The following WDFY3 variants were observed in gnomAD, a reference collection of about 807,000 sequenced individuals.
WDFY3 encodes WD repeat and FYVE domain containing 3, also known as WD repeat and FYVE domain-containing protein 3.
Under a neutral mutation model 409.6 loss-of-function variants are expected in WDFY3, and 66 were observed. The ratio of observed to expected loss-of-function variants is 0.16; its 90% CI spans 0.13 to 0.20. WDFY3 has a LOEUF of 0.20. Ranked by LOEUF, WDFY3 falls within the 10% of genes least tolerant of loss-of-function variation. The probability of loss-of-function intolerance (pLI) is 1.00; values close to 1 mark genes in which losing one functional copy is unlikely to be tolerated. For synonymous variants in WDFY3, 1,521 were observed against 1,537.1 expected, an observed-to-expected ratio of 0.99 and a Z score of 0.25; for missense variants, 3,031 against 4,298.1, an observed-to-expected ratio of 0.71 and a Z score of 8.24.
At chr4:84,900,527 T>G (rs1766215014) in intron 2 of WDFY3, among the ~76,000 whole-genome samples, 1 of 152,196 alleles carries the variant, frequency 6.6e-6, no homozygotes, top group Non-Finnish European at 1.5e-5. Context: ...AATGAATTAT[T>G]GTTACATATA....
chr4:84,691,824 A>G, intron 59 of WDFY3, 39 bp from the exon 60 acceptor site: 1 of 1,543,632 alleles, frequency 6.5e-7, no homozygotes, highest in Non-Finnish European at 8.8e-7. Context: ...CAGGAACAGG[A>G]AAAACTAATG....
At chr4:84,808,728 G>C (rs1751953703) in intron 14 of WDFY3, 2 of 197,932 alleles carry the variant, frequency 1.0e-5, no homozygotes, top group African/African-American at 4.6e-5. Flanking sequence ...CAAGGGAAAA[G>C]AGGTTGAATC....
intron 37 of WDFY3, among the ~76,000 whole-genome samples, chr4:84,743,469 T>C (rs1000685013): frequency 4.6e-5 from 7 of 152,124 alleles, no homozygotes; most frequent in Admixed American, 3.3e-4. Flanking sequence ...CTGAAAACTT[T>C]CATATATCTG....
chr4:84,831,584 A>G lies in WDFY3; in HGVS notation c.598T>C (p.Phe200Leu). 6.2e-7 allele frequency: 1 copy of G among 1,612,942 alleles called. No homozygotes were observed. The highest frequency in any genetic ancestry group is 8.5e-7 in the Non-Finnish European group (1 of 1,179,352). The change falls in exon 8 of 68, where the codon TTT becomes CTT. Residue 200 changes from phenylalanine to leucine, a missense_variant. This residue lies in a region of WDFY3 where 1,322 missense variants were observed against 1,697.9 expected (regional missense o/e 0.78). Coordinates refer to ENST00000295888, the MANE Select transcript of WDFY3 (RefSeq NM_014991.6). ...FVQILVKLCSFVSPAEELAQK... is the reference protein window; with the variant it reads ...FVQILVKLCSLVSPAEELAQK... Reference sequence around the variant, plus strand: ...GCCAGCTCCTCCGCAGGGGAAACAAAACTGCACAGTTTCACTAAGATCTAA... The same window carrying G: ...GCCAGCTCCTCCGCAGGGGAAACAAGACTGCACAGTTTCACTAAGATCTAA...
chr4:84,769,301 T>A (rs1744213851), intron 30 of WDFY3, among the ~76,000 whole-genome samples: 1 of 152,162 alleles, frequency 6.6e-6, no homozygotes, highest in South Asian at 2.1e-4. Flanking sequence ...TCCAAAGAAG[T>A]TCTACCATAG....
intron 15 of WDFY3, among the ~76,000 whole-genome samples, chr4:84,807,239 CT>C (rs1273937680): frequency 1.3e-5 from 2 of 151,986 alleles, no homozygotes; most frequent in Non-Finnish European, 2.9e-5. Context: ...TTAGGAACAG[CT>C]TTTTTAAAAA....
intron 67 of WDFY3, among the ~76,000 whole-genome samples, chr4:84,676,834 CAT>C (rs1726380267): frequency 6.6e-6 from 1 of 152,172 alleles, no homozygotes; most frequent in Non-Finnish European, 1.5e-5. Context: ...AGAGGCAACA[CAT>C]GTTCCTGAAA....
rs1738483235 is a variant in WDFY3, at chr4:84,741,788, T to G, written c.6207A>C (p.Ile2069=). 2 of 1,612,126 alleles carry G rather than the reference T, an allele frequency of 1.2e-6. No individual in the cohort carries two copies. The highest frequency in any genetic ancestry group is 1.7e-5 in the Admixed American group (1 of 59,942). Residue 2069 remains isoleucine, a synonymous_variant, in exon 38 of 68, where the codon ATA becomes ATC. Transcript: ENST00000295888. The stretch of plus-strand genomic sequence containing the variant: ...GTGCAATTAGTTGAATTATAAAATC[T>G]ATAAGAAGTTTAGATTCTTTGTTGA... ...GMFNKESKLL[I]DFIIQLIAQS... is the part of the protein sequence containing the mutation.
chr4:84,743,780 G>A lies in WDFY3; in HGVS notation c.5993C>T (p.Thr1998Ile), dbSNP rs1179224819. The A allele has an allele frequency of 6.3e-7, 1 of 1,586,484 alleles. No homozygotes were observed. Among genetic ancestry groups the A allele is most frequent in the Non-Finnish European group, 8.6e-7 (1 of 1,164,022 alleles). Residue 1998 changes from threonine to isoleucine, a missense_variant, in exon 37 of 68, where the codon ACA (threonine) becomes ATA (isoleucine). Coordinates refer to ENST00000295888, the MANE Select transcript of WDFY3 (RefSeq NM_014991.6). ...TTGAAATTCTTTTTGCTGAGTTCTT[G>A]TAGACCTTTCAGGGGAAGCCTAATC... ...LLLEASPERS[T>I]RTQQKEFQTY... is the part of the protein sequence containing the mutation.
chr4:84,829,866 C>T (rs1755445238), intron 8 of WDFY3, among the ~76,000 whole-genome samples: 1 of 124,178 alleles, frequency 8.1e-6, no homozygotes, highest in Non-Finnish European at 1.7e-5. Context: ...AGACTATAGA[C>T]CAATGAGATA....
At chr4:84,825,005 A>G (rs575074093) in intron 10 of WDFY3, among the ~76,000 whole-genome samples, 1 of 152,300 alleles carries the variant, frequency 6.6e-6, no homozygotes, top group African/African-American at 2.4e-5. Flanking sequence ...TCTGACTCTT[A>G]GGGCATCATC....
intron 1 of WDFY3, among the ~76,000 whole-genome samples, chr4:84,951,100 C>G (rs1773552144): frequency 6.6e-6 from 1 of 152,202 alleles, no homozygotes; most frequent in Non-Finnish European, 1.5e-5. Flanking sequence ...TTATTTACCT[C>G]TATTCTAATT....
intron 21 of WDFY3, among the ~76,000 whole-genome samples, chr4:84,791,320 A>G (rs1047842880): frequency 2.6e-5 from 4 of 152,154 alleles, no homozygotes; most frequent in African/African-American, 9.7e-5. Context: ...ATACTGCGTG[A>G]CTCCACTTAT....
chr4:84,764,527 C>T (rs903938397), intron 32 of WDFY3, among the ~76,000 whole-genome samples: 3 of 152,098 alleles, frequency 2.0e-5, no homozygotes, highest in Non-Finnish European at 2.9e-5. Flanking sequence ...AGACCTTCTT[C>T]ACATCTGAAA....
At chr4:84,955,499 C>T (rs543359304) in intron 1 of WDFY3, among the ~76,000 whole-genome samples, 48 of 152,108 alleles carry the variant, frequency 3.2e-4, no homozygotes, top group Admixed American at 9.2e-4. Context: ...CTGAAGAGGA[C>T]AAAAATACCA....
intron 62 of WDFY3, among the ~76,000 whole-genome samples, chr4:84,686,306 AAAAT>A (rs544272576): frequency 5.3e-5 from 8 of 151,980 alleles, no homozygotes; most frequent in South Asian, 2.1e-4. Flanking sequence ...ACTCCATCTC[AAAAT>A]AAATAAATAA....
At chr4:84,748,493 C>T (rs1034179251) in intron 36 of WDFY3, among the ~76,000 whole-genome samples, 2 of 152,044 alleles carry the variant, frequency 1.3e-5, no homozygotes, top group Admixed American at 1.3e-4. Context: ...TAAATAATAT[C>T]ATTCTCTAGA....
intron 2 of WDFY3, among the ~76,000 whole-genome samples, chr4:84,900,233 AT>A (rs936515511): frequency 6.2e-4 from 93 of 150,304 alleles, no homozygotes; most frequent in African/African-American, 2.0e-3. Flanking sequence ...AAGTAAAATA[AT>A]TTTTTTTTTG....
At chr4:84,864,310 G>A (rs1429572799) in intron 3 of WDFY3, among the ~76,000 whole-genome samples, 1 of 144,568 alleles carries the variant, frequency 6.9e-6, no homozygotes, top group East Asian at 2.1e-4. Flanking sequence ...GAGTTGCAGT[G>A]AGCTGAGATG....
Sources: allele counts gnomAD v4.1 joint callset (sites outside exome capture counted in the v4.1 genomes callset), GRCh38; gene constraint gnomAD v4.1.1; regional missense constraint gnomAD v4.1.1; transcripts MANE v1.5; gene names NCBI Gene and HGNC (gene_info 2026-07-23, HGNC 2026-07-21).